The following TRAPPC9 variants were observed in gnomAD, a reference collection of about 807,000 sequenced individuals.
TRAPPC9 encodes trafficking protein particle complex subunit 9.
A neutral mutation model predicts 124.0 loss-of-function variants in TRAPPC9; 83 were observed. That is an observed-to-expected ratio of 0.67 (90% confidence interval 0.56 to 0.80). The LOEUF is 0.80. TRAPPC9 is among the 30% of genes least tolerant of loss of function. The pLI is 0.00. For missense variants in TRAPPC9, 1,302 were observed against 1,508.3 expected, an observed-to-expected ratio of 0.86 and a Z score of 2.27; for synonymous variants, 638 against 617.5, an observed-to-expected ratio of 1.03 and a Z score of -0.49.
intron 5 of TRAPPC9, among the ~76,000 whole-genome samples, chr8:140,412,990 A>C (rs1249694867): frequency 6.6e-6 from 1 of 152,210 alleles, no homozygotes; most frequent in African/African-American, 2.4e-5. Flanking sequence ...CCATGAGCAG[A>C]ATGAGTCACT....
At chr8:140,184,280 T>C (rs2062300840) in intron 17 of TRAPPC9, among the ~76,000 whole-genome samples, 2 of 152,158 alleles carry the variant, frequency 1.3e-5, no homozygotes, top group South Asian at 4.1e-4. Context: ...TGTTATACTG[T>C]TCTTTGAAAA....
intron 3 of TRAPPC9, 50 bp downstream of exon 3, chr8:140,439,002 T>C: frequency 6.2e-7 from 1 of 1,612,958 alleles, no homozygotes; most frequent in Non-Finnish European, 8.5e-7. Flanking sequence ...TCATTTTAAT[T>C]AACAGTTGAA....
intron 17 of TRAPPC9, among the ~76,000 whole-genome samples, chr8:140,202,391 C>T (rs911205945): frequency 2.0e-5 from 3 of 152,102 alleles, no homozygotes; most frequent in Non-Finnish European, 2.9e-5. Flanking sequence ...CTTAAACAAT[C>T]CCTTACTTTG....
intron 17 of TRAPPC9, among the ~76,000 whole-genome samples, chr8:140,036,245 C>A (rs1278704771): frequency 6.6e-6 from 1 of 151,608 alleles, no homozygotes; most frequent in African/African-American, 2.4e-5. Context: ...AAAGAACACT[C>A]TGGCTGCAAC....
At chr8:139,904,062 G>A (rs1806083492) in intron 20 of TRAPPC9, among the ~76,000 whole-genome samples, 1 of 152,006 alleles carries the variant, frequency 6.6e-6, no homozygotes, top group African/African-American at 2.4e-5. Flanking sequence ...CACAGCACTT[G>A]GGCAAGCAAA....
chr8:140,446,396 G>T (rs1253432744), intron 2 of TRAPPC9, among the ~76,000 whole-genome samples: 3 of 151,980 alleles, frequency 2.0e-5, no homozygotes, highest in Non-Finnish European at 4.4e-5. Context: ...TGCCTCTCTG[G>T]TTCTGAATGC....
intron 12 of TRAPPC9, among the ~76,000 whole-genome samples, chr8:140,288,382 C>T (rs1232654443): frequency 1.3e-5 from 2 of 152,146 alleles, no homozygotes; most frequent in Non-Finnish European, 2.9e-5. Context: ...AGTTAATATC[C>T]CTGCCACACA....
At chr8:140,233,770 C>T (rs1018606497) in intron 16 of TRAPPC9, among the ~76,000 whole-genome samples, 3 of 132,478 alleles carry the variant, frequency 2.3e-5, no homozygotes, top group African/African-American at 7.8e-5. Flanking sequence ...AAAAAAAAAA[C>T]CTTTTCCTAC....
chr8:139,931,050 C>T (rs1188625254), intron 19 of TRAPPC9: 1 of 152,190 alleles, frequency 6.6e-6, no homozygotes, highest in Non-Finnish European at 1.5e-5. Context: ...GGCCCTGGCT[C>T]TTGTCCTCCC....
intron 19 of TRAPPC9, among the ~76,000 whole-genome samples, chr8:139,976,544 C>T (rs1318892655): frequency 6.6e-6 from 1 of 152,174 alleles, no homozygotes; most frequent in African/African-American, 2.4e-5. Flanking sequence ...GCACAAGGAA[C>T]TCTCTGACTC....
chr8:139,791,746 T>TGGCTC (rs1334764137), intron 21 of TRAPPC9, among the ~76,000 whole-genome samples: 2 of 152,246 alleles, frequency 1.3e-5, no homozygotes, highest in Non-Finnish European at 2.9e-5. Flanking sequence ...GGGGCAGCCC[T>TGGCTC]GGCTCTGTCC....
At chr8:140,237,559 TC>T (rs1188307316) in intron 16 of TRAPPC9, among the ~76,000 whole-genome samples, 1 of 151,952 alleles carries the variant, frequency 6.6e-6, no homozygotes, top group Non-Finnish European at 1.5e-5. Flanking sequence ...CCCAGGTGAT[TC>T]CAGAGTGCAG....
intron 5 of TRAPPC9, among the ~76,000 whole-genome samples, chr8:140,425,099 G>A (rs902208938): frequency 1.5e-4 from 23 of 152,160 alleles, no homozygotes; most frequent in Admixed American, 7.2e-4. Flanking sequence ...TAACACATTT[G>A]CAAGGGTTTA....
intron 21 of TRAPPC9, among the ~76,000 whole-genome samples, chr8:139,834,764 G>A (rs559726226): frequency 6.6e-6 from 1 of 152,328 alleles, no homozygotes; most frequent in Non-Finnish European, 1.5e-5. Context: ...CCAAGTTCAC[G>A]AGAGGGATCT....
chr8:140,042,205 ATGTGTGTGTGTG>A (rs57584807), intron 17 of TRAPPC9, among the ~76,000 whole-genome samples: 1 of 149,496 alleles, frequency 6.7e-6, no homozygotes, highest in African/African-American at 2.5e-5. Context: ...AAAAAAGTGT[ATGTGTGTGTGTG>A]TGTGTGTGTG....
intron 11 of TRAPPC9, among the ~76,000 whole-genome samples, chr8:140,292,977 G>A (rs1205303935): frequency 1.4e-5 from 2 of 143,552 alleles, no homozygotes; most frequent in Non-Finnish European, 3.0e-5. Flanking sequence ...CTGACAAAGG[G>A]CTAATATCCA....
intron 7 of TRAPPC9, among the ~76,000 whole-genome samples, chr8:140,383,169 C>T (rs2068659340): frequency 6.6e-6 from 1 of 152,174 alleles, no homozygotes; most frequent in African/African-American, 2.4e-5. Flanking sequence ...CTGTATATCA[C>T]CATCATCAAA....
chr8:140,061,517 G>A (rs1170362584), intron 17 of TRAPPC9, among the ~76,000 whole-genome samples: 3 of 152,152 alleles, frequency 2.0e-5, no homozygotes, highest in East Asian at 3.9e-4. Flanking sequence ...AGCCATGTCC[G>A]CTCTGACAGG....
intron 9 of TRAPPC9, among the ~76,000 whole-genome samples, chr8:140,344,181 G>A (rs897470805): frequency 7.2e-5 from 11 of 152,142 alleles, no homozygotes; most frequent in Non-Finnish European, 2.9e-5. Context: ...GCCCCTTCCA[G>A]CATGTCTCTG....
Sources: allele counts gnomAD v4.1 joint callset (sites outside exome capture counted in the v4.1 genomes callset), GRCh38; gene constraint gnomAD v4.1.1; transcripts MANE v1.5; gene names NCBI Gene and HGNC (gene_info 2026-07-23, HGNC 2026-07-21).